FOLR1: variants seen among roughly 807,000 people sequenced by gnomAD.
The protein encoded by FOLR1 is folate receptor alpha.
Under a neutral mutation model 22.8 loss-of-function variants are expected in FOLR1, and 11 were observed. The ratio of observed to expected loss-of-function variants is 0.48; its 90% CI spans 0.30 to 0.80. The LOEUF is 0.80. Ranked by LOEUF, FOLR1 falls within the 30% of genes least tolerant of loss-of-function variation. FOLR1 has a pLI of 0.06. For synonymous variants in FOLR1, 108 were observed against 116.5 expected, an observed-to-expected ratio of 0.93 and a Z score of 0.47; for missense variants, 273 against 320.3, an observed-to-expected ratio of 0.85 and a Z score of 1.13.
In FOLR1 at chr11:72,195,967, G is replaced by A. The variant is rs774348178; in HGVS notation, c.564G>A (p.Leu188=). The change falls in exon 4 of 4, where the codon CTG becomes CTA. Residue 188 remains leucine (L), a synonymous_variant. Coordinates refer to ENST00000393676, the MANE Select transcript of FOLR1 (RefSeq NM_016729.3). ...FHFYFPTPTV[L]CNEIWTHSYK... is the part of the protein sequence containing the mutation. ...TCTACTTCCCCACACCCACTGTTCT[G>A]TGCAATGAAATCTGGACTCACTCCT... 3.7e-6 allele frequency: 6 copies of A among 1,614,198 alleles called. No individual in the cohort carries two copies. Among genetic ancestry groups the A allele is most frequent in the Admixed American group, 1.7e-5 (1 of 60,010 alleles).
chr11:72,191,260 A>G (rs1948152154), upstream of FOLR1, among the ~76,000 whole-genome samples: 1 of 152,168 alleles, frequency 6.6e-6, no homozygotes, highest in Non-Finnish European at 1.5e-5. Context: ...CTACTAAACT[A>G]GCTTGAGTGA....
upstream of FOLR1, among the ~76,000 whole-genome samples, chr11:72,191,490 G>A (rs935174305): frequency 6.6e-6 from 1 of 151,608 alleles, no homozygotes; most frequent in African/African-American, 2.4e-5. Context: ...AGCCTCCCAC[G>A]TAGCTGGGAC....
chr11:72,193,340 A>C (rs1417639020), intron 1 of FOLR1, among the ~76,000 whole-genome samples: 1 of 151,508 alleles, frequency 6.6e-6, no homozygotes, highest in Non-Finnish European at 1.5e-5. Flanking sequence ...GAAAGAAAGA[A>C]CGAAAAAAAG....
rs766928917 is a variant in FOLR1 at position 72,192,291 on chromosome 11, G to A, written c.118G>A (p.Ala40Thr). The A allele has an allele frequency of 1.4e-5, 23 of 1,614,102 alleles. No individual in the cohort carries two copies. The Middle Eastern group carries it at 5.0e-4, about 35-fold the overall frequency. Residue 40 changes from alanine to threonine, a missense_variant, in exon 1 of 4, where the codon GCC (alanine) becomes ACC (threonine). By Grantham distance (58) the Ala-to-Thr change is moderately conservative. Transcript: ENST00000393676. ...TGAGCTTCTCAATGTCTGCATGAAC[G>A]CCAAGCACCACAAGGAAAAGCCAGG... The part of the protein sequence containing the change: ...RTELLNVCMN[A>T]KHHKEKPGPE...
upstream of FOLR1, chr11:72,190,180 A>C (rs894258643): frequency 6.6e-6 from 1 of 152,256 alleles, no homozygotes; most frequent in Non-Finnish European, 1.5e-5. Context: ...AAGAGAGACT[A>C]CTGACTGAAC....
rs767252235 is a variant in FOLR1 at position 72,195,430 on chromosome 11, T to TCCCC, written c.330_333dup (p.Asn112ProfsTer30). Reference sequence around the variant, plus strand: ...CCAGGACACCTGCCTCTACGAGTGCTCCCCCAACTTGGGGCCCTGGATCCA... The same window carrying TCCCC: ...CCAGGACACCTGCCTCTACGAGTGCTCCCCCCCCCAACTTGGGGCCCTGGATCCA... On this transcript the variant is annotated frameshift_variant, in exon 2 of 4. Coordinates refer to ENST00000393676, the MANE Select transcript of FOLR1 (RefSeq NM_016729.3). LOFTEE classifies it high-confidence loss of function. The TCCCC allele has an allele frequency of 1.9e-6, 3 of 1,614,132 alleles. No homozygotes were observed. Among genetic ancestry groups the TCCCC allele is most frequent in the Admixed American group, 1.7e-5 (1 of 60,002 alleles).
At chr11:72,193,893 C>T (rs630074) in intron 1 of FOLR1, among the ~76,000 whole-genome samples, 71,804 of 151,836 alleles carry the variant, frequency 0.47, 18,002 homozygotes, top group Admixed American at 0.61. Context: ...AAGCAATTCT[C>T]CTGCCTTGGC....
chr11:72,194,339 G>A (rs1948197765), intron 1 of FOLR1, among the ~76,000 whole-genome samples: 1 of 152,094 alleles, frequency 6.6e-6, no homozygotes, highest in Non-Finnish European at 1.5e-5. Context: ...AGCTAGTCAG[G>A]GACAAAACAC....
chr11:72,195,214 T>C, intron 1 of FOLR1, 57 bp from the exon 2 acceptor site: 2 of 1,519,292 alleles, frequency 1.3e-6, no homozygotes, highest in Non-Finnish European at 1.8e-6. Context: ...TGTGGAATAT[T>C]CTGGCTGTGC....
At position 72,196,153 on chromosome 11, in the gene FOLR1, A is replaced by G. The variant is rs374262573; in HGVS notation, c.750A>G (p.Leu250=). Residue 250 remains leucine (L), a synonymous_variant, in exon 4 of 4, where the codon CTA becomes CTG. Coordinates refer to ENST00000393676, the MANE Select transcript of FOLR1 (RefSeq NM_016729.3). ...AAWPFLLSLA[L]MLLWLLS ...GGCCTTTCCTGCTTAGCCTGGCCCT[A>G]ATGCTGCTGTGGCTGCTCAGCTGAC... 5.6e-6 allele frequency: 9 copies of G among 1,613,982 alleles called. No homozygotes were observed. Among genetic ancestry groups the G allele is most frequent in the Non-Finnish European group, 6.8e-6 (8 of 1,180,030 alleles).
At position 72,192,354 on chromosome 11, in the gene FOLR1, G is replaced by T. The variant is rs745859325; in HGVS notation, c.168+13G>T. The T allele has an allele frequency of 1.9e-6, 3 of 1,613,752 alleles. No homozygotes were observed. Among genetic ancestry groups the T allele is most frequent in the Non-Finnish European group, 2.5e-6 (3 of 1,179,976 alleles). The stretch of plus-strand genomic sequence containing the variant: ...GTTGCATGAGCAGGTGGGCCAGGGG[G>T]TGATCTGGGGTGGTGAGGGACTGGC... On this transcript the variant is annotated intron_variant, in intron 1 of 3. Coordinates refer to ENST00000393676, the MANE Select transcript of FOLR1 (RefSeq NM_016729.3).
intron 1 of FOLR1, among the ~76,000 whole-genome samples, chr11:72,192,561 A>T (rs1948170991): frequency 6.6e-6 from 1 of 152,212 alleles, no homozygotes; most frequent in Non-Finnish European, 1.5e-5. Context: ...GAAATAAGGA[A>T]GCAGGCCCAA....
Position 72,195,383 on chromosome 11 carries a change from C to G in FOLR1, c.281C>G (p.Pro94Arg), listed in dbSNP as rs759712157. The change falls in exon 2 of 4, where the codon CCT becomes CGT. Residue 94 changes from proline to arginine, a missense_variant. Coordinates refer to ENST00000393676, the MANE Select transcript of FOLR1 (RefSeq NM_016729.3). Reference protein sequence around the residue: ...FNWNHCGEMAPACKRHFIQDT... With the variant: ...FNWNHCGEMARACKRHFIQDT... ...TGGAACCACTGTGGAGAGATGGCAC[C>G]TGCCTGCAAACGGCATTTCATCCAG... is the stretch of plus-strand genomic sequence containing the variant. 9.9e-6 allele frequency: 16 copies of G among 1,614,090 alleles called. No individual in the cohort carries two copies. The Admixed American group carries it at 2.7e-4, about 27-fold the overall frequency.
Position 72,195,454 on chromosome 11 carries a change from C to T in FOLR1, c.352C>T (p.Gln118Ter), listed in dbSNP as rs121918405. 7.4e-6 allele frequency: 12 copies of T among 1,614,102 alleles called. No homozygotes were observed. Among genetic ancestry groups the T allele is most frequent in the Non-Finnish European group, 1.0e-5 (12 of 1,180,036 alleles). The change falls in exon 2 of 4, where the codon CAG (glutamine) becomes TAG (stop). Residue 118 changes from glutamine to a stop codon, truncating the protein, a stop_gained. Coordinates refer to ENST00000393676, the MANE Select transcript of FOLR1 (RefSeq NM_016729.3). LOFTEE classifies it high-confidence loss of function. ...ECSPNLGPWIQQVDQSWRKER... is the reference protein window; with the variant it reads ...ECSPNLGPWI ...CTCCCCCAACTTGGGGCCCTGGATC[C>T]AGCAGGTATGCATGGCTTCCTGCAG...
rs559137518 is a variant in FOLR1 at position 72,195,201 on chromosome 11, G to A, written c.169-70G>A. 5 of 1,419,518 alleles carry A rather than the reference G, an allele frequency of 3.5e-6. No individual in the cohort carries two copies. In the East Asian group the frequency reaches 9.1e-5, roughly 26 times the overall value. The allele number at this position is 1,419,518 out of a possible 1,614,324, so 87.9% of individuals were successfully genotyped here. On this transcript the variant is annotated intron_variant, in intron 1 of 3. Transcript: ENST00000393676. The stretch of plus-strand genomic sequence containing the variant: ...ATCAAGGACTAAGAGGGGAGACACT[G>A]CATGTGGAATATTCTGGCTGTGCTG...
chr11:72,194,827 A>ACC (rs1948205496), intron 1 of FOLR1, among the ~76,000 whole-genome samples: 1 of 152,160 alleles, frequency 6.6e-6, no homozygotes, highest in Non-Finnish European at 1.5e-5. Flanking sequence ...AAGCCACTGC[A>ACC]CCCAGCCTGG....
rs35805771 is a variant in FOLR1 at position 72,195,085 on chromosome 11, C to G, written c.169-186C>G. Among the ~76,000 whole-genome samples the G allele has an allele frequency of 0.11, 16,696 of 152,226 alleles. 1,038 individuals are homozygous for G. The highest frequency in any genetic ancestry group is 0.23 in the East Asian group (1,209 of 5,172). ...TGACTGCAACTCCAGCAGGAGCTCC[C>G]TTTTGGGCTCCCACTGTCTCTGACG... is the stretch of plus-strand genomic sequence containing the variant. On this transcript the variant is annotated intron_variant, in intron 1 of 3. Coordinates refer to ENST00000393676, the MANE Select transcript of FOLR1 (RefSeq NM_016729.3).
chr11:72,193,462 T>C (rs961864863), intron 1 of FOLR1, among the ~76,000 whole-genome samples: 4 of 151,626 alleles, frequency 2.6e-5, no homozygotes, highest in African/African-American at 9.7e-5. Flanking sequence ...TTTTTTTTTC[T>C]TGAGATAGAG....
At chr11:72,193,766 G>A (rs1948189747) in intron 1 of FOLR1, among the ~76,000 whole-genome samples, 1 of 146,644 alleles carries the variant, frequency 6.8e-6, no homozygotes, top group Non-Finnish European at 1.5e-5. Context: ...GGCCTTAAGT[G>A]CACATTTTAT....
Sources: allele counts gnomAD v4.1 joint callset (sites outside exome capture counted in the v4.1 genomes callset), GRCh38; gene constraint gnomAD v4.1.1; transcripts MANE v1.5; gene names NCBI Gene and HGNC (gene_info 2026-07-23, HGNC 2026-07-21).